The following PCDHGA1 variants were observed in gnomAD, a reference collection of about 807,000 sequenced individuals.
PCDHGA1 encodes protocadherin gamma subfamily A, 1, also known as protocadherin gamma-A1.
A neutral mutation model predicts 58.0 loss-of-function variants in PCDHGA1; 32 were observed. The observed-to-expected ratio is 0.55, with a 90% confidence interval of 0.42 to 0.74. PCDHGA1 has a LOEUF of 0.74. Ranked by LOEUF, PCDHGA1 falls within the 30% of genes least tolerant of loss-of-function variation. PCDHGA1 has a pLI of 0.00. For synonymous variants in PCDHGA1, 498 were observed against 501.1 expected (o/e 0.99, Z 0.08); for missense variants, 1,205 against 1,182.3 (o/e 1.02, Z -0.28).
At chr5:141,369,987 G>T (rs1363490934) in intron 1 of PCDHGA1, among the ~76,000 whole-genome samples, 1 of 152,174 alleles carries the variant, frequency 6.6e-6, no homozygotes, top group Non-Finnish European at 1.5e-5. Context: ...GATTTGGATG[G>T]ATAAAGCTCA....
intron 1 of PCDHGA1, chr5:141,423,522 G>A: frequency 6.2e-7 from 1 of 1,613,850 alleles, no homozygotes; most frequent in South Asian, 1.1e-5. Context: ...CGGACTCGCA[G>A]AAGAGTCACC....
chr5:141,496,993 C>G (rs981547671), intron 2 of PCDHGA1, among the ~76,000 whole-genome samples: 1 of 151,910 alleles, frequency 6.6e-6, no homozygotes, highest in South Asian at 2.1e-4. Flanking sequence ...TGAGACCAGC[C>G]TGGCAGCCAA....
chr5:141,404,894 G>C (rs772084097), intron 1 of PCDHGA1: 1 of 1,613,878 alleles, frequency 6.2e-7, no homozygotes, highest in South Asian at 1.1e-5. Flanking sequence ...GGCTGTACAG[G>C]ACCATGGCCA....
At position 141,447,418 on chromosome 5, in the gene PCDHGA1, G is replaced by A. The variant is rs113957183; in HGVS notation, c.2422-47389G>A. On this transcript the variant is annotated intron_variant, in intron 1 of 3. Transcript: ENST00000517417. ...CTCCCAAAGTGCTGGGATTACAGGC[G>A]TGAGCCACCGCACCCGGAGGAAATT... Among the ~76,000 whole-genome samples, 1,263 of 152,230 alleles carry A rather than the reference G, an allele frequency of 8.3e-3. 17 individuals carry two copies. The highest frequency in any genetic ancestry group is 0.029 in the African/African-American group (1,197 of 41,538).
At chr5:141,371,146 T>C (rs751386839) in intron 1 of PCDHGA1, 4 of 1,614,022 alleles carry the variant, frequency 2.5e-6, no homozygotes, top group East Asian at 4.5e-5. Flanking sequence ...AGGGTCAATG[T>C]TGCAGAGAAC....
chr5:141,418,945 A>G, intron 1 of PCDHGA1: 3 of 1,614,062 alleles, frequency 1.9e-6, no homozygotes, highest in Non-Finnish European at 2.5e-6. Flanking sequence ...ATTCCCCTCC[A>G]GGAGTGGTTG....
chr5:141,418,693 T>G, intron 1 of PCDHGA1: 1 of 1,614,040 alleles, frequency 6.2e-7, no homozygotes, highest in Admixed American at 1.7e-5. Flanking sequence ...CAGAGATCAC[T>G]TATTCCTTCT....
chr5:141,366,863 C>T, intron 1 of PCDHGA1: 2 of 1,430,882 alleles, frequency 1.4e-6, no homozygotes, highest in African/African-American at 1.4e-5. Flanking sequence ...ACATTATTTG[C>T]TGTATTGGAG....
chr5:141,389,070 T>C, intron 1 of PCDHGA1: 1 of 1,613,964 alleles, frequency 6.2e-7, no homozygotes, highest in South Asian at 1.1e-5. Flanking sequence ...ATTAACTTCT[T>C]CAAGAAACAC....
At chr5:141,399,095 T>G (rs1342683408) in intron 1 of PCDHGA1, 2 of 1,613,850 alleles carry the variant, frequency 1.2e-6, no homozygotes, top group East Asian at 2.2e-5. Context: ...GGTGGTGGAC[T>G]GGTTGCACAA....
chr5:141,433,032 C>G, intron 1 of PCDHGA1: 1 of 1,614,188 alleles, frequency 6.2e-7, no homozygotes, highest in Non-Finnish European at 8.5e-7. Context: ...CACGAGGTTT[C>G]CCTCACCACG....
intron 1 of PCDHGA1, among the ~76,000 whole-genome samples, chr5:141,473,017 AGAAG>A (rs1484773075): frequency 7.0e-4 from 107 of 151,874 alleles, no homozygotes; most frequent in Middle Eastern, 3.4e-3. Flanking sequence ...AGAAAAAGAA[AGAAG>A]GAAGGAAGGA....
At chr5:141,383,532 C>T (rs1249909520) in intron 1 of PCDHGA1, 4 of 1,612,320 alleles carry the variant, frequency 2.5e-6, no homozygotes, top group Non-Finnish European at 3.4e-6. Context: ...ACCACCTGGT[C>T]CTCACAGCCT....
At chr5:141,361,231 A>G (rs1248946415) in intron 1 of PCDHGA1, 3 of 1,614,014 alleles carry the variant, frequency 1.9e-6, no homozygotes, top group Non-Finnish European at 2.5e-6. Context: ...AGGAACAGTG[A>G]TCGCCTTGAT....
rs1354360582 is a variant in PCDHGA1 at position 141,491,147 on chromosome 5, A to T, written c.2422-3660A>T. On this transcript the variant is annotated intron_variant, in intron 1 of 3. Transcript: ENST00000517417. The surrounding 1 kb of genome is among the most constrained non-coding windows in gnomAD (Gnocchi z 6.9). ...GTGCGCACAGCCCGGGCCTTACTGG[A>T]GGATGACTCTGACACCCAGCAGGTG... The T allele has an allele frequency of 1.9e-6, 3 of 1,613,980 alleles. No homozygotes were observed. The highest frequency in any genetic ancestry group is 2.5e-6 in the Non-Finnish European group (3 of 1,179,994).
In PCDHGA1 at chr5:141,332,507, T is replaced by A. The variant is rs1756411489; in HGVS notation, c.1823T>A (p.Leu608Gln). 4.3e-6 allele frequency: 7 copies of A among 1,612,500 alleles called. No homozygotes were observed. The highest frequency in any genetic ancestry group is 5.9e-6 in the Non-Finnish European group (7 of 1,179,936). ...SGQNAWLSYR[L>Q]LKASEPGLFS... ...CAGAACGCCTGGCTGTCCTACCGCCTGCTCAAGGCCAGCGAGCCGGGACTC... is the reference window on the plus strand; with the variant it reads ...CAGAACGCCTGGCTGTCCTACCGCCAGCTCAAGGCCAGCGAGCCGGGACTC... The change falls in exon 1 of 4, where the codon CTG becomes CAG. Residue 608 changes from leucine (L) to glutamine (Q), a missense_variant. Physicochemically the swap from Leu to Gln is moderately radical, Grantham distance 113. Coordinates refer to ENST00000517417, the MANE Select transcript of PCDHGA1 (RefSeq NM_018912.3). This position sits in a 1 kb window ranked among gnomAD's most constrained non-coding sequence, Gnocchi z 4.6.
rs368093282 is a variant in PCDHGA1 at position 141,350,894 on chromosome 5, A to G, written c.2421+17789A>G. 1.2e-6 allele frequency: 2 copies of G among 1,613,946 alleles called. No homozygotes were observed. The highest frequency in any genetic ancestry group is 1.7e-6 in the Non-Finnish European group (2 of 1,179,908). On this transcript the variant is annotated intron_variant, in intron 1 of 3. Transcript: ENST00000517417. Reference sequence around the variant, plus strand: ...CTCTCATCGCTTAATCCTGACTGCCATGGATGGCGGGGACCCGCCTCTAAG... The same window carrying G: ...CTCTCATCGCTTAATCCTGACTGCCGTGGATGGCGGGGACCCGCCTCTAAG...
chr5:141,333,182 G>A (rs1469823616), intron 1 of PCDHGA1, 77 bp downstream of exon 1: 3 of 1,594,838 alleles, frequency 1.9e-6, no homozygotes, highest in Admixed American at 3.4e-5. Flanking sequence ...TTCGCTCTTT[G>A]CTACAGATAG....
At chr5:141,345,955 GC>G in intron 1 of PCDHGA1, 1 of 1,613,622 alleles carries the variant, frequency 6.2e-7, no homozygotes, top group Non-Finnish European at 8.5e-7. Flanking sequence ...CTCAAGCAGA[GC>G]CTCGTGGTGG....
Sources: allele counts gnomAD v4.1 joint callset (sites outside exome capture counted in the v4.1 genomes callset), GRCh38; gene constraint gnomAD v4.1.1; non-coding constraint Gnocchi (gnomAD v3.1); transcripts MANE v1.5; gene names NCBI Gene and HGNC (gene_info 2026-07-23, HGNC 2026-07-21).